Variants in LCOR observed in about 807,000 individuals in gnomAD.
LCOR encodes the protein ligand dependent nuclear receptor corepressor.
In LCOR, 14 loss-of-function variants were observed where a neutral mutation model predicts 64.4. The ratio of observed to expected loss-of-function variants is 0.22; its 90% CI spans 0.14 to 0.34. The LOEUF (loss-of-function observed/expected upper bound fraction) is 0.34, where lower values mean the gene tolerates loss of function less well. LCOR is among the 10% of genes least tolerant of loss of function. LCOR has a pLI of 1.00. For missense variants in LCOR, 1,686 were observed against 1,765.3 expected (o/e 0.96, Z 0.80); for synonymous variants, 643 against 642.5 (o/e 1.00, Z -0.01).
chr10:96,873,617 T>TGTGTGTGTGTG (rs1846114348), intron 2 of LCOR, among the ~76,000 whole-genome samples: 11 of 144,304 alleles, frequency 7.6e-5, no homozygotes, highest in East Asian at 4.1e-4. Context: ...TGTGTGTGTG[T>TGTGTGTGTGTG]TTTGAGACAG....
At chr10:96,941,223 T>C (rs1387332107) in intron 4 of LCOR, among the ~76,000 whole-genome samples, 27 of 124,030 alleles carry the variant, frequency 2.2e-4, no homozygotes, top group East Asian at 4.9e-4. Flanking sequence ...ACGGGGCGGC[T>C]GGCCGGGCGG....
intron 2 of LCOR, among the ~76,000 whole-genome samples, chr10:96,834,287 TAATA>T (rs1475229809): frequency 6.6e-6 from 1 of 152,182 alleles, no homozygotes; most frequent in African/African-American, 2.4e-5. Context: ...CTTGTGCAAA[TAATA>T]AAGGCATGAG....
intron 2 of LCOR, among the ~76,000 whole-genome samples, chr10:96,875,158 G>C (rs961201677): frequency 6.6e-6 from 1 of 151,766 alleles, no homozygotes; most frequent in African/African-American, 2.4e-5. Flanking sequence ...GCCGAGGCAG[G>C]CAGACCACAA....
intron 7 of LCOR, chr10:96,962,059 G>GT (rs1431393285): frequency 6.6e-6 from 1 of 151,980 alleles, no homozygotes; most frequent in Non-Finnish European, 1.5e-5. Flanking sequence ...GGTACTGTAA[G>GT]TTTTTGGATG....
At chr10:96,917,398 G>C (rs7100376) in intron 4 of LCOR, among the ~76,000 whole-genome samples, 7,362 of 152,284 alleles carry the variant, frequency 0.048, 604 homozygotes, top group African/African-American at 0.17. Flanking sequence ...AATCATCCAT[G>C]CTGTGCATCC....
chr10:96,857,838 C>T (rs2134387974), intron 2 of LCOR, among the ~76,000 whole-genome samples: 1 of 152,276 alleles, frequency 6.6e-6, no homozygotes, highest in East Asian at 1.9e-4. Context: ...ATGCAAGATT[C>T]TCCAAGATAT....
At chr10:96,853,100 G>A (rs1845747378) in intron 2 of LCOR, among the ~76,000 whole-genome samples, 1 of 152,114 alleles carries the variant, frequency 6.6e-6, no homozygotes, top group African/African-American at 2.4e-5. Flanking sequence ...AGGCTGGAGT[G>A]CAGTGGTGTG....
intron 7 of LCOR, among the ~76,000 whole-genome samples, chr10:96,968,208 A>AT (rs918139985): frequency 2.6e-5 from 4 of 152,012 alleles, no homozygotes; most frequent in Non-Finnish European, 5.9e-5. Context: ...CTACTTTTTC[A>AT]TTTTTTTAGG....
chr10:96,970,401 A>C (rs1847988495), intron 7 of LCOR, among the ~76,000 whole-genome samples: 1 of 152,004 alleles, frequency 6.6e-6, no homozygotes, highest in Admixed American at 6.5e-5. Flanking sequence ...CGTCTCAAAA[A>C]ATAAATAAAT....
At chr10:96,866,263 T>C (rs549526334) in intron 2 of LCOR, among the ~76,000 whole-genome samples, 3 of 152,226 alleles carry the variant, frequency 2.0e-5, no homozygotes, top group Non-Finnish European at 4.4e-5. Flanking sequence ...TCATTCTGTC[T>C]CCTTCCCTTA....
At chr10:96,957,103 C>A in intron 7 of LCOR, 1 of 984,888 alleles carries the variant, frequency 1.0e-6, no homozygotes, top group Non-Finnish European at 1.2e-6. Context: ...AGAAGTCAAG[C>A]TCATTGGAAT....
chr10:96,907,729 G>C lies in LCOR; in HGVS notation c.-202G>C. 1 of 982,120 alleles carries C rather than the reference G, an allele frequency of 1.0e-6. No homozygotes were observed. Among genetic ancestry groups the C allele is most frequent in the Non-Finnish European group, 1.2e-6 (1 of 826,588 alleles). 60.8% of individuals were successfully genotyped at this position (982,120 alleles called of 1,614,324 possible). On this transcript the variant is annotated 5_prime_UTR_variant, in exon 4 of 8. It removes the in-frame stop codon of an upstream open reading frame in the 5' UTR. Transcript: ENST00000421806. ...ATGAAAACTGTTTATTCTGTTGCTTGAGAAGAGATAAAGTAAAGGTAACTA... is the reference window on the plus strand; with the variant it reads ...ATGAAAACTGTTTATTCTGTTGCTTCAGAAGAGATAAAGTAAAGGTAACTA...
At chr10:96,906,958 C>A (rs931431074) in intron 2 of LCOR, among the ~76,000 whole-genome samples, 2 of 152,080 alleles carry the variant, frequency 1.3e-5, no homozygotes, top group African/African-American at 4.8e-5. Context: ...TAAAATGGAG[C>A]CTGAGAGTTT....
At chr10:96,915,146 A>T (rs1265620610) in intron 4 of LCOR, among the ~76,000 whole-genome samples, 1 of 152,212 alleles carries the variant, frequency 6.6e-6, no homozygotes, top group Admixed American at 6.5e-5. Context: ...CTTCGGAGAC[A>T]TTCTATTAGT....
chr10:96,833,361 C>G, intron 1 of LCOR, 45 bp from the exon 2 acceptor site: 4 of 979,296 alleles, frequency 4.1e-6, no homozygotes, highest in Non-Finnish European at 4.9e-6. Context: ...GGCGGCCGAG[C>G]TGCGCCTCTC....
At chr10:96,956,295 G>A (rs184106399) in intron 7 of LCOR, 74 of 994,850 alleles carry the variant, frequency 7.4e-5, no homozygotes, top group Non-Finnish European at 5.7e-5. Context: ...AAAAAGAAGA[G>A]GAAACAAAGC....
rs929786583 is a variant in LCOR at position 96,921,084 on chromosome 10, G to T, written c.-184+13337G>T. Among the ~76,000 whole-genome samples, 30 of 151,890 alleles carry T rather than the reference G, an allele frequency of 2.0e-4. No homozygotes were observed. The Middle Eastern group carries it at 0.02, about 103-fold the overall frequency. ...AGGCTCATGCTGTCCTTCCTCCTTG[G>T]CCTCCCAAAGTGCTGGGATTACAGG... On this transcript the variant is annotated intron_variant, in intron 4 of 7. Transcript: ENST00000421806.
intron 2 of LCOR, among the ~76,000 whole-genome samples, chr10:96,889,241 A>G (rs1846398193): frequency 2.6e-5 from 4 of 152,194 alleles, no homozygotes; most frequent in Admixed American, 2.6e-4. Flanking sequence ...CATACAATAT[A>G]TGGCCTTTTG....
At chr10:96,870,772 G>C (rs1846059905) in intron 2 of LCOR, among the ~76,000 whole-genome samples, 1 of 151,936 alleles carries the variant, frequency 6.6e-6, no homozygotes, top group Admixed American at 6.6e-5. Context: ...TCCTTCTTTA[G>C]TCATTCTATT....
Sources: gnomAD v4.1 joint callset for allele counts (sites outside exome capture counted in the v4.1 genomes callset) on GRCh38, gnomAD v4.1.1 for gene constraint, MANE v1.5 for transcripts, NCBI Gene and HGNC (gene_info 2026-07-23, HGNC 2026-07-21) for gene names.